Variants in XPO7 observed in about 807,000 individuals in gnomAD.
XPO7 encodes the protein exportin 7, also known as exportin-7.
A neutral mutation model predicts 144.3 loss-of-function variants in XPO7; 21 were observed. That is an observed-to-expected ratio of 0.15 (90% CI 0.10 to 0.21). The LOEUF is 0.21. Among genes scored for constraint, XPO7 ranks in the 10% least tolerant of loss-of-function variants. XPO7 has a pLI of 1.00. For missense variants in XPO7, 808 were observed against 1,325.8 expected, an observed-to-expected ratio of 0.61 and a Z score of 6.06; for synonymous variants, 580 against 499.6, an observed-to-expected ratio of 1.16 and a Z score of -2.15.
At chr8:21,939,732 ATAAG>A (rs1287911952) in intron 1 of XPO7, among the ~76,000 whole-genome samples, 1 of 152,236 alleles carries the variant, frequency 6.6e-6, no homozygotes, top group Non-Finnish European at 1.5e-5. Flanking sequence ...AGATCAGAGG[ATAAG>A]TGACAGAGTG....
intron 1 of XPO7, among the ~76,000 whole-genome samples, chr8:21,934,586 G>T (rs1443799146): frequency 6.6e-6 from 1 of 152,120 alleles, no homozygotes; most frequent in Non-Finnish European, 1.5e-5. Flanking sequence ...TTATTTTGGG[G>T]TGACAGTATT....
chr8:21,939,590 A>G (rs1195681733), intron 1 of XPO7, among the ~76,000 whole-genome samples: 1 of 152,176 alleles, frequency 6.6e-6, no homozygotes, highest in Non-Finnish European at 1.5e-5. Context: ...TTTTATGCCA[A>G]CGTTAATTGA....
rs79145952 is a variant in XPO7, at chr8:21,945,814, A to G, written c.19-21043A>G. Among the ~76,000 whole-genome samples the G allele has an allele frequency of 1.4e-4, 21 of 152,328 alleles. No individual in the cohort carries two copies. In the East Asian group the frequency reaches 4.0e-3, roughly 29 times the overall value. On this transcript the variant is annotated intron_variant, in intron 1 of 27. Coordinates refer to ENST00000252512, the MANE Select transcript of XPO7 (RefSeq NM_015024.5). ...AGCCTCCTTTTTTAATGCATTGACA[A>G]GCTTGCAAGAAATAAGGGAAATCTC...
chr8:21,920,271 C>T (rs996885036), intron 1 of XPO7, among the ~76,000 whole-genome samples: 2 of 152,198 alleles, frequency 1.3e-5, no homozygotes, highest in East Asian at 1.9e-4. Flanking sequence ...CCGCCTTCCT[C>T]TCACGCCCCG....
chr8:21,963,555 C>T (rs1374925663), intron 1 of XPO7, among the ~76,000 whole-genome samples: 3 of 151,998 alleles, frequency 2.0e-5, no homozygotes, highest in East Asian at 3.9e-4. Context: ...ATTAGCTGGG[C>T]GTGGTGGCAC....
rs376076701 is a variant in XPO7 at position 21,977,851 on chromosome 8, A to C, written c.837+8A>C. The C allele has an allele frequency of 4.4e-5, 71 of 1,611,986 alleles. No homozygotes were observed. Among genetic ancestry groups the C allele is most frequent in the Non-Finnish European group, 5.9e-5 (70 of 1,178,302 alleles). ...CCTTCATTTTCACCTCTGGTGAGTC[A>C]GGACTACCGTTTCTTAAAGCAAACC... On this transcript the variant is annotated splice_region_variant and intron_variant, in intron 8 of 27. Transcript: ENST00000252512.
At chr8:21,934,883 C>T (rs1428403518) in intron 1 of XPO7, among the ~76,000 whole-genome samples, 1 of 152,178 alleles carries the variant, frequency 6.6e-6, no homozygotes, top group Non-Finnish European at 1.5e-5. Context: ...CTATGATTTT[C>T]AGTTGCAGGG....
intron 11 of XPO7, among the ~76,000 whole-genome samples, chr8:21,983,538 C>T (rs1812472505): frequency 6.6e-6 from 1 of 152,194 alleles, no homozygotes; most frequent in Non-Finnish European, 1.5e-5. Context: ...CTGTTGATGA[C>T]TTGAATCAGT....
intron 1 of XPO7, among the ~76,000 whole-genome samples, chr8:21,932,814 T>C (rs1197801328): frequency 1.3e-5 from 2 of 152,346 alleles, no homozygotes; most frequent in Middle Eastern, 3.4e-3. Context: ...CTATTCATTG[T>C]TTATACCTGT....
intron 16 of XPO7, 75 bp downstream of exon 16, chr8:21,989,158 T>G: frequency 7.4e-7 from 1 of 1,352,722 alleles, no homozygotes. Flanking sequence ...GGCCTCCTGC[T>G]CTTTCCACTT....
rs1813214278 is a variant in XPO7 at position 22,003,229 on chromosome 8, C to T, written c.2954C>T (p.Thr985Met). The change falls in exon 26 of 28, where the codon ACG (threonine) becomes ATG (methionine). Residue 985 changes from threonine to methionine, a missense_variant. Thr to Met is a moderately conservative substitution (Grantham distance 81). Coordinates refer to ENST00000252512, the MANE Select transcript of XPO7 (RefSeq NM_015024.5). ...HPEMIQQMLS[T>M]VLNIIIFEDC... Reference sequence around the variant, plus strand: ...CCATTCCATTTTCAGATGCTGTCCACGGTGCTGAACATCATCATCTTTGAA... The same window carrying T: ...CCATTCCATTTTCAGATGCTGTCCATGGTGCTGAACATCATCATCTTTGAA... 1 of 1,610,980 alleles carries T rather than the reference C, an allele frequency of 6.2e-7. No homozygotes were observed. The highest frequency in any genetic ancestry group is 1.1e-5 in the South Asian group (1 of 90,290).
In XPO7 at chr8:21,982,400, T is replaced by C. The variant is rs79443651; in HGVS notation, c.1105-240T>C. 8.6e-3 allele frequency among the ~76,000 whole-genome samples: 1,317 copies of C among 152,322 alleles called. 22 individuals are homozygous for C. Among genetic ancestry groups the C allele is most frequent in the African/African-American group, 0.031 (1,268 of 41,564 alleles). ...CTAATGGTTGAGACCCACTTACATA[T>C]GGCTTTCCTTATGGTAAGGCTTACA... On this transcript the variant is annotated intron_variant, in intron 10 of 27. Transcript: ENST00000252512.
At chr8:21,981,915 C>G in intron 10 of XPO7, 38 bp downstream of exon 10, 1 of 1,605,452 alleles carries the variant, frequency 6.2e-7, no homozygotes, top group Non-Finnish European at 8.5e-7. Flanking sequence ...TTCCTAAATA[C>G]TGGAATCTCT....
Position 21,991,893 on chromosome 8 carries a change from G to A in XPO7, c.2067G>A (p.Gln689=). ...DLGEDEDQYE[Q]FMLPLTAAFE... ...GAGAGGATGAAGATCAGTATGAGCAGTTCATGCTGCCACTCACAGCAGCAT... is the reference window on the plus strand; with the variant it reads ...GAGAGGATGAAGATCAGTATGAGCAATTCATGCTGCCACTCACAGCAGCAT... Residue 689 remains glutamine, a synonymous_variant, in exon 19 of 28, where the codon CAG becomes CAA. Transcript: ENST00000252512. The A allele has an allele frequency of 1.2e-6, 2 of 1,613,220 alleles. No homozygotes were observed. The highest frequency in any genetic ancestry group is 1.7e-6 in the Non-Finnish European group (2 of 1,179,706).
chr8:21,970,369 A>AAC (rs140784168), intron 4 of XPO7, 59 bp downstream of exon 4: 58,809 of 1,097,434 alleles, frequency 0.054, 280 homozygotes, highest in Non-Finnish European at 0.06. Flanking sequence ...CATATATATA[A>AAC]ACACACACAC....
At chr8:21,944,052 G>A (rs891444994) in intron 1 of XPO7, among the ~76,000 whole-genome samples, 6 of 152,112 alleles carry the variant, frequency 3.9e-5, no homozygotes, top group African/African-American at 1.4e-4. Flanking sequence ...TGACTAAAAT[G>A]TAAAATTTAA....
At chr8:21,963,631 G>T (rs1811794830) in intron 1 of XPO7, among the ~76,000 whole-genome samples, 1 of 151,476 alleles carries the variant, frequency 6.6e-6, no homozygotes, top group African/African-American at 2.4e-5. Flanking sequence ...GGAGGCGGAG[G>T]TTACAGTGAG....
At chr8:21,974,604 A>G in intron 5 of XPO7, 66 bp from the exon 6 acceptor site, 1 of 1,067,106 alleles carries the variant, frequency 9.4e-7, no homozygotes, top group South Asian at 1.6e-5. Flanking sequence ...GCTTATAGGA[A>G]GTCTACATGA....
At position 21,987,322 on chromosome 8, in the gene XPO7, G is replaced by T; in HGVS notation, c.1713+46G>T. 2.5e-6 allele frequency: 4 copies of T among 1,610,678 alleles called. No individual in the cohort carries two copies. The South Asian group carries it at 4.4e-5, about 18-fold the overall frequency. Reference sequence around the variant, plus strand: ...TCCCCTTAGTTCTCACTTCTCACTTGTGGGATTGCTGATGGAGGGAAACAG... The same window carrying T: ...TCCCCTTAGTTCTCACTTCTCACTTTTGGGATTGCTGATGGAGGGAAACAG... On this transcript the variant is annotated intron_variant, in intron 14 of 27. Transcript: ENST00000252512.
Sources: gnomAD v4.1 joint callset for allele counts (sites outside exome capture counted in the v4.1 genomes callset) on GRCh38, gnomAD v4.1.1 for gene constraint, MANE v1.5 for transcripts, NCBI Gene and HGNC (gene_info 2026-07-23, HGNC 2026-07-21) for gene names.